Variants in NOTCH2 observed in about 807,000 individuals in gnomAD.
NOTCH2 encodes the protein notch receptor 2.
NOTCH2 carries 29 observed loss-of-function variants against 235.8 expected under a neutral mutation model. The observed-to-expected ratio is 0.12, with a 90% confidence interval of 0.09 to 0.17. The LOEUF is 0.17. Ranked by LOEUF, NOTCH2 falls within the 10% of genes least tolerant of loss-of-function variation. The probability of loss-of-function intolerance (pLI) is 1.00; values close to 1 mark genes in which losing one functional copy is unlikely to be tolerated. For synonymous variants in NOTCH2, 1,086 were observed against 1,141.5 expected, an observed-to-expected ratio of 0.95 and a Z score of 0.98; for missense variants, 2,285 against 3,150.2, an observed-to-expected ratio of 0.73 and a Z score of 6.57.
intron 1 of NOTCH2, among the ~76,000 whole-genome samples, chr1:120,042,627 T>G (rs2603956): frequency 1.5e-5 from 2 of 136,406 alleles, no homozygotes; most frequent in Non-Finnish European, 3.0e-5. Flanking sequence ...TAGTGTAGTG[T>G]TGGTGATTAA....
rs782131412 is a variant in NOTCH2, at chr1:119,968,081, G to T, written c.1260C>A (p.Ala420=). 14 of 1,613,884 alleles carry T rather than the reference G, an allele frequency of 8.7e-6. No individual in the cohort carries two copies. The highest frequency in any genetic ancestry group is 1.0e-5 in the Non-Finnish European group (12 of 1,179,918). Residue 420 remains alanine, a synonymous_variant, in exon 7 of 34, where the codon GCC becomes GCA. Coordinates refer to ENST00000256646, the MANE Select transcript of NOTCH2 (RefSeq NM_024408.4). ...GAAAAAGTTCTGCTTACTCACCCAT[G>T]GCACATTCATCCACATCTTCTGTGC... The part of the protein sequence containing the change: ...ADCTEDVDEC[A]MANSNPCEHA...
intron 1 of NOTCH2, among the ~76,000 whole-genome samples, chr1:120,051,228 A>AAC (rs57313347): frequency 0.23 from 18,566 of 79,964 alleles, 2,062 homozygotes; most frequent in East Asian, 0.4. Context: ...TCCTCCTCCC[A>AAC]ACACACACAC....
At chr1:120,037,673 G>GAA (rs374758444) in intron 1 of NOTCH2, among the ~76,000 whole-genome samples, 2 of 141,072 alleles carry the variant, frequency 1.4e-5, no homozygotes, top group African/African-American at 2.6e-5. Context: ...TGATTAAAAG[G>GAA]AAAAAAAAAA....
intron 3 of NOTCH2, among the ~76,000 whole-genome samples, chr1:120,004,164 A>C (rs1394075043): frequency 6.6e-5 from 10 of 152,196 alleles, no homozygotes. Flanking sequence ...CTATTTCAGA[A>C]GTCCAGGTGA....
intron 12 of NOTCH2, among the ~76,000 whole-genome samples, chr1:119,957,139 C>T (rs1650736901): frequency 1.3e-5 from 2 of 152,208 alleles, no homozygotes; most frequent in Admixed American, 6.5e-5. Flanking sequence ...ACGTGCCAGA[C>T]ATTGCTTTAG....
At position 119,920,265 on chromosome 1, in the gene NOTCH2, C is replaced by T; in HGVS notation, c.5443G>A (p.Glu1815Lys). The T allele has an allele frequency of 6.2e-7, 1 of 1,614,198 alleles. No homozygotes were observed. The highest frequency in any genetic ancestry group is 8.5e-7 in the Non-Finnish European group (1 of 1,180,032). The change falls in exon 30 of 34, where the codon GAG becomes AAG. Residue 1815 changes from glutamate to lysine, a missense_variant. This residue lies in a region of NOTCH2 where 1,173 missense variants were observed against 1,515.3 expected (regional missense o/e 0.77). Coordinates refer to ENST00000256646, the MANE Select transcript of NOTCH2 (RefSeq NM_024408.4). ...ACATTCACATCTAACACATCCACCT[C>T]CTGCTCTGCCTGAGGAGGGGTGAGA... ...LALTPPQAEQ[E>K]VDVLDVNVRG...
intron 1 of NOTCH2, among the ~76,000 whole-genome samples, chr1:120,066,509 A>T (rs587764266): frequency 3.7e-4 from 55 of 149,634 alleles, no homozygotes; most frequent in African/African-American, 1.3e-3. Context: ...TGGGAACTAG[A>T]TCAATGCAAA....
In NOTCH2 at chr1:119,914,962, T is replaced by G. The variant is rs1174452581; in HGVS notation, c.*344A>C. The stretch of plus-strand genomic sequence containing the variant: ...TCTTCTCATGGATATGGCAGAAGCC[T>G]GCAGGGCTTAAAATGCAGTCCAAGC... On this transcript the variant is annotated 3_prime_UTR_variant, in exon 34 of 34. Transcript: ENST00000256646. 2.3e-6 allele frequency: 1 copy of G among 436,978 alleles called. No individual in the cohort carries two copies. The highest frequency in any genetic ancestry group is 4.3e-6 in the Non-Finnish European group (1 of 235,192). 27.1% of individuals were successfully genotyped at this position (436,978 alleles called of 1,614,324 possible). A position where few individuals can be genotyped will look rare whatever the true frequency, so the allele number is the denominator to read the frequency against.
intron 12 of NOTCH2, among the ~76,000 whole-genome samples, chr1:119,959,036 A>T (rs1465616242): frequency 2.6e-5 from 4 of 152,166 alleles, no homozygotes; most frequent in African/African-American, 9.7e-5. Flanking sequence ...TATTTTCATA[A>T]GATTTTACCT....
intron 5 of NOTCH2, among the ~76,000 whole-genome samples, chr1:119,981,195 TACTCAG>T (rs782337597): frequency 2.6e-4 from 40 of 152,148 alleles, no homozygotes; most frequent in Admixed American, 1.3e-4. Context: ...TCCCATCCAT[TACTCAG>T]ACTCAAAACA....
intron 5 of NOTCH2, among the ~76,000 whole-genome samples, chr1:119,977,573 G>A (rs1240643193): frequency 3.3e-5 from 5 of 152,150 alleles, no homozygotes; most frequent in Admixed American, 6.5e-5. Context: ...GAGAAAGAGC[G>A]GGTTTTCTTT....
chr1:120,060,470 T>A lies in NOTCH2; in HGVS notation c.73+8864A>T, dbSNP rs868970223. Among the ~76,000 whole-genome samples the A allele has an allele frequency of 2.3e-3, 340 of 148,712 alleles. 1 individual carries two copies. The highest frequency in any genetic ancestry group is 0.022 in the Middle Eastern group (6 of 276). On this transcript the variant is annotated intron_variant, in intron 1 of 33. Coordinates refer to ENST00000256646, the MANE Select transcript of NOTCH2 (RefSeq NM_024408.4). Reference sequence around the variant, plus strand: ...AACTAAATATATATATATATATATATAAAAATAAATCAACAGCTTTTCTAA... The same window carrying A: ...AACTAAATATATATATATATATATAAAAAAATAAATCAACAGCTTTTCTAA...
intron 24 of NOTCH2, 74 bp from the exon 25 acceptor site, chr1:119,925,884 A>G (rs1649457324): frequency 6.5e-7 from 1 of 1,541,102 alleles, no homozygotes; most frequent in African/African-American, 1.4e-5. Context: ...AGGTTTCTAG[A>G]AAACCTCCAC....
chr1:119,925,151 G>C (rs1649429256), intron 25 of NOTCH2, among the ~76,000 whole-genome samples, 154 bp downstream of exon 25: 1 of 152,230 alleles, frequency 6.6e-6, no homozygotes, highest in African/African-American at 2.4e-5. Flanking sequence ...CAGCAAGGGA[G>C]AGCACAGGGC....
In NOTCH2 at chr1:119,962,389, C is replaced by T. The variant is rs587721764; in HGVS notation, c.1915+1185G>A. Reference sequence around the variant, plus strand: ...AATTTCTCATGTCTGAGGAACAGCCCGGAAGCAAATTGCTTTTGGAAGTTT... The same window carrying T: ...AATTTCTCATGTCTGAGGAACAGCCTGGAAGCAAATTGCTTTTGGAAGTTT... On this transcript the variant is annotated intron_variant, in intron 11 of 33. Transcript: ENST00000256646. Among the ~76,000 whole-genome samples the T allele has an allele frequency of 5.9e-5, 9 of 152,232 alleles. 1 individual carries two copies. In the South Asian group the frequency reaches 8.3e-4, roughly 14 times the overall value.
intron 5 of NOTCH2, among the ~76,000 whole-genome samples, chr1:119,978,620 A>T (rs1261798273): frequency 6.6e-6 from 1 of 152,230 alleles, no homozygotes; most frequent in African/African-American, 2.4e-5. Flanking sequence ...GTGGATTGCC[A>T]TGGAGGCTGG....
chr1:119,961,126 C>A (rs587735492), intron 11 of NOTCH2, among the ~76,000 whole-genome samples: 28 of 152,268 alleles, frequency 1.8e-4, no homozygotes, highest in African/African-American at 6.7e-4. Context: ...CAGGGCTGAC[C>A]TGCACAGTGC....
chr1:119,966,400 G>A lies in NOTCH2; in HGVS notation c.1543C>T (p.Arg515Cys), dbSNP rs782444829. ...NNGQCVDKVN[R>C]FQCLCPPGFT... ...CCAGGAGGACACAGGCACTGGAAACGATTGACTTTATCCACACACTGCCCA... is the reference window on the plus strand; with the variant it reads ...CCAGGAGGACACAGGCACTGGAAACAATTGACTTTATCCACACACTGCCCA... The change falls in exon 9 of 34, where the codon CGT becomes TGT. Residue 515 changes from arginine (R) to cysteine (C), a missense_variant. By Grantham distance (180) the Arg-to-Cys change is radical. Coordinates refer to ENST00000256646, the MANE Select transcript of NOTCH2 (RefSeq NM_024408.4). 1.2e-5 allele frequency: 19 copies of A among 1,613,618 alleles called. No individual in the cohort carries two copies. The highest frequency in any genetic ancestry group is 1.4e-5 in the Non-Finnish European group (16 of 1,179,712).
At chr1:119,987,395 G>T (rs782220825) in intron 4 of NOTCH2, among the ~76,000 whole-genome samples, 21 of 152,082 alleles carry the variant, frequency 1.4e-4, no homozygotes, top group Non-Finnish European at 2.6e-4. Flanking sequence ...ATATTCAAGG[G>T]TTCTAAAAAA....
Sources: allele counts gnomAD v4.1 joint callset (sites outside exome capture counted in the v4.1 genomes callset), GRCh38; gene constraint gnomAD v4.1.1; regional missense constraint gnomAD v4.1.1; transcripts MANE v1.5; gene names NCBI Gene and HGNC (gene_info 2026-07-23, HGNC 2026-07-21).